Variants in NDRG1 observed in about 807,000 individuals in gnomAD.
NDRG1 encodes N-myc downstream regulated 1.
In NDRG1, 32 loss-of-function variants were observed where a neutral mutation model predicts 56.9. The observed-to-expected ratio is 0.56, with a 90% confidence interval of 0.42 to 0.76. NDRG1 has a LOEUF of 0.76. NDRG1 is among the 30% of genes least tolerant of loss of function. The pLI, the probability that NDRG1 is intolerant of heterozygous loss-of-function variation, is 0.00. For missense variants in NDRG1, 507 were observed against 545.7 expected (o/e 0.93, Z 0.71); for synonymous variants, 211 against 204.1 (o/e 1.03, Z -0.29).
At chr8:133,254,731 C>T in intron 8 of NDRG1, 136 bp from the exon 9 acceptor site, 1 of 821,200 alleles carries the variant, frequency 1.2e-6, no homozygotes, top group East Asian at 2.7e-5. Flanking sequence ...GGACATCCCC[C>T]TTGATAGAAA....
At chr8:133,244,323 C>T (rs766378395) in intron 14 of NDRG1, 32 bp downstream of exon 14, 2 of 1,613,850 alleles carry the variant, frequency 1.2e-6, no homozygotes, top group South Asian at 2.2e-5. Context: ...GAAGCGACAG[C>T]TGTATAATGC....
At chr8:133,289,867 A>G (rs974872892) in intron 1 of NDRG1, among the ~76,000 whole-genome samples, 2 of 152,186 alleles carry the variant, frequency 1.3e-5, no homozygotes, top group African/African-American at 4.8e-5. Context: ...TTCCTATTCC[A>G]TGACTCTGAG....
intron 9 of NDRG1, among the ~76,000 whole-genome samples, chr8:133,253,040 G>A (rs570986002): frequency 6.6e-6 from 1 of 152,354 alleles, no homozygotes; most frequent in African/African-American, 2.4e-5. Flanking sequence ...TAGCTCAGAA[G>A]CAGACAGTGG....
intron 3 of NDRG1, among the ~76,000 whole-genome samples, chr8:133,276,212 G>T (rs1434537941): frequency 6.6e-6 from 1 of 152,148 alleles, no homozygotes; most frequent in South Asian, 2.1e-4. Flanking sequence ...CGCCTTAGCC[G>T]ACCCCAGCCT....
Position 133,262,153 on chromosome 8 carries a change from T to C in NDRG1, c.220A>G (p.Asn74Asp). Reference sequence around the variant, plus strand: ...ATGTCCTCGTAGTTGAAGAGGGGGTTGTAGCAGGTTTTGTCTGAAGAACAG... The same window carrying C: ...ATGTCCTCGTAGTTGAAGAGGGGGTCGTAGCAGGTTTTGTCTGAAGAACAG... ...DIGMNHKTCY[N>D]PLFNYEDMQE... The change falls in exon 5 of 16, where the codon AAC becomes GAC. Residue 74 changes from asparagine to aspartate, a missense_variant. Transcript: ENST00000323851. The C allele has an allele frequency of 6.2e-7, 1 of 1,613,618 alleles. No individual in the cohort carries two copies. The highest frequency in any genetic ancestry group is 8.5e-7 in the Non-Finnish European group (1 of 1,179,984).
In NDRG1 at chr8:133,237,292, C is replaced by T. The variant is rs947903174; in HGVS notation, c.*1586G>A. 4.3e-6 allele frequency: 1 copy of T among 231,510 alleles called. No individual in the cohort carries two copies. Among genetic ancestry groups the T allele is most frequent in the Admixed American group, 5.6e-5 (1 of 17,718 alleles). 14.3% of individuals were successfully genotyped at this position (231,510 alleles called of 1,614,324 possible). On this transcript the variant is annotated 3_prime_UTR_variant, in exon 16 of 16. Transcript: ENST00000323851. ...CGTACTCAGCCTCTCTTGCCCCGAT[C>T]CCCGACTTTTCTACTCAAGGCCAGG...
intron 1 of NDRG1, among the ~76,000 whole-genome samples, chr8:133,293,983 G>A (rs1858584170): frequency 6.6e-6 from 1 of 152,182 alleles, no homozygotes; most frequent in African/African-American, 2.4e-5. Flanking sequence ...TCTTCTGCGG[G>A]TGCTACTGAC....
intron 8 of NDRG1, 90 bp downstream of exon 8, chr8:133,256,687 C>T (rs910219164): frequency 1.9e-5 from 24 of 1,265,102 alleles, no homozygotes; most frequent in Admixed American, 1.9e-4. Context: ...AGAGAGAGCT[C>T]GTAGCTCCAG....
At chr8:133,245,118 G>A (rs758978464) in intron 13 of NDRG1, among the ~76,000 whole-genome samples, 4 of 152,158 alleles carry the variant, frequency 2.6e-5, no homozygotes, top group Non-Finnish European at 4.4e-5. Flanking sequence ...AAGCGACACT[G>A]ACCTGGGGCA....
chr8:133,239,616 G>A (rs1855268732), intron 15 of NDRG1: 1 of 188,134 alleles, frequency 5.3e-6, no homozygotes, highest in Non-Finnish European at 1.1e-5. Flanking sequence ...GCTATTCGTT[G>A]TCATCTCTCC....
chr8:133,243,676 A>G (rs1316716699), intron 14 of NDRG1, among the ~76,000 whole-genome samples: 2 of 152,250 alleles, frequency 1.3e-5, no homozygotes, highest in Non-Finnish European at 1.5e-5. Context: ...AGAGAAAGAA[A>G]AAAAGGAGGA....
At chr8:133,257,060 A>G (rs1253547708) in intron 7 of NDRG1, among the ~76,000 whole-genome samples, 197 bp from the exon 8 acceptor site, 1 of 152,102 alleles carries the variant, frequency 6.6e-6, no homozygotes, top group African/African-American at 2.4e-5. Context: ...TCCTAGAGAG[A>G]GTGGGAAGGA....
intron 2 of NDRG1, among the ~76,000 whole-genome samples, chr8:133,281,318 T>C (rs1857787039): frequency 6.9e-6 from 1 of 145,896 alleles, no homozygotes; most frequent in African/African-American, 2.6e-5. Context: ...GATCACACCA[T>C]GGCACTCCAG....
chr8:133,246,101 C>T (rs1263692472), intron 13 of NDRG1, among the ~76,000 whole-genome samples: 5 of 152,210 alleles, frequency 3.3e-5, no homozygotes, highest in East Asian at 3.8e-4. Flanking sequence ...GCTGCATCTC[C>T]GGACGAGGCC....
At chr8:133,241,909 G>T in intron 15 of NDRG1, 114 bp downstream of exon 15, 1 of 1,252,952 alleles carries the variant, frequency 8.0e-7, no homozygotes. Context: ...CTCCCAGAAA[G>T]CTGAAGCTGG....
In NDRG1 at chr8:133,238,633, G is replaced by A. The variant is rs1855193222; in HGVS notation, c.*245C>T. 2 of 580,580 alleles carry A rather than the reference G, an allele frequency of 3.4e-6. No individual in the cohort carries two copies. The highest frequency in any genetic ancestry group is 3.0e-6 in the Non-Finnish European group (1 of 329,676). The allele number at this position is 580,580 out of a possible 1,614,324, so 36.0% of individuals were successfully genotyped here. A position where few individuals can be genotyped will look rare whatever the true frequency, so the allele number is the denominator to read the frequency against. ...GGAGGAGAGTGGCAACCGGCCACTG[G>A]TTAATGGAAGAGGATGCGATGCGGA... On this transcript the variant is annotated 3_prime_UTR_variant, in exon 16 of 16. Coordinates refer to ENST00000323851, the MANE Select transcript of NDRG1 (RefSeq NM_006096.4).
Position 133,239,372 on chromosome 8 carries a change from A to G in NDRG1, c.944-253T>C, listed in dbSNP as rs142776483. ...GAACCCAGATCTGGGTCTGAACCCCAATTCTGCCACCTGTTAAAAGCTGTG... is the reference window on the plus strand; with the variant it reads ...GAACCCAGATCTGGGTCTGAACCCCGATTCTGCCACCTGTTAAAAGCTGTG... On this transcript the variant is annotated intron_variant, in intron 15 of 15. Coordinates refer to ENST00000323851, the MANE Select transcript of NDRG1 (RefSeq NM_006096.4). 4.6e-4 allele frequency: 283 copies of G among 616,796 alleles called. 4 individuals are homozygous for G. The East Asian group carries it at 6.5e-3, about 14-fold the overall frequency. The allele number at this position is 616,796 out of a possible 1,614,324, so 38.2% of individuals were successfully genotyped here.
At chr8:133,261,936 C>T (rs1040390764) in intron 5 of NDRG1, 111 bp downstream of exon 5, 27 of 1,396,230 alleles carry the variant, frequency 1.9e-5, no homozygotes, top group South Asian at 3.1e-5. Context: ...TAAGATGATA[C>T]GTTTTATATT....
intron 3 of NDRG1, among the ~76,000 whole-genome samples, chr8:133,276,941 A>G (rs1857485768): frequency 6.6e-6 from 1 of 152,224 alleles, no homozygotes; most frequent in Non-Finnish European, 1.5e-5. Flanking sequence ...GTGTCCACCA[A>G]CGGACAAATG....
Sources: gnomAD v4.1 joint callset for allele counts (sites outside exome capture counted in the v4.1 genomes callset) on GRCh38, gnomAD v4.1.1 for gene constraint, MANE v1.5 for transcripts, NCBI Gene and HGNC (gene_info 2026-07-23, HGNC 2026-07-21) for gene names.